The following DMD variants were observed in gnomAD, a reference collection of about 807,000 sequenced individuals.
DMD encodes the protein dystrophin, also known as mutant dystrophin.
DMD carries 63 observed loss-of-function variants against 330.1 expected under a neutral mutation model. The ratio of observed to expected loss-of-function variants is 0.19; its 90% confidence interval spans 0.16 to 0.24. DMD has a LOEUF of 0.24. Among genes scored for constraint, DMD ranks in the 10% least tolerant of loss-of-function variants. The pLI, the probability that DMD is intolerant of heterozygous loss-of-function variation, is 1.00. For synonymous variants in DMD, 1,223 were observed against 959.8 expected, an observed-to-expected ratio of 1.27 and a Z score of -5.07; for missense variants, 3,344 against 2,684.1, an observed-to-expected ratio of 1.25 and a Z score of -5.43.
chrX:31,766,511 G>T (rs761028764), intron 51 of DMD, among the ~76,000 whole-genome samples: 1 of 112,219 alleles, frequency 8.9e-6, no homozygotes, highest in Admixed American at 9.4e-5. Flanking sequence ...ACCCGCCTCA[G>T]CCTCCCAAAG....
At position 32,717,130 on chromosome X, in the gene DMD, A is replaced by T. The variant is rs1229523545; in HGVS notation, c.650-17837T>A. Among the ~76,000 whole-genome samples the T allele has an allele frequency of 2.7e-5, 3 of 111,696 alleles. No individual in the cohort carries two copies. The Admixed American group carries it at 2.9e-4, about 11-fold the overall frequency. ...TGGGGGAAATTCAAGCTGTCTGCGG[A>T]AATTTGCATAAGTAAAAAGGAACTG... On this transcript the variant is annotated intron_variant, in intron 7 of 78. Transcript: ENST00000357033.
At chrX:32,975,713 T>G (rs5928126) in intron 2 of DMD, among the ~76,000 whole-genome samples, 55,813 of 108,923 alleles carry the variant, frequency 0.51, 11,142 homozygotes, top group African/African-American at 0.73. Context: ...AATGTAAGAC[T>G]TGAGGCTGGA....
chrX:32,999,780 A>G (rs1569548082), intron 2 of DMD, among the ~76,000 whole-genome samples: 1 of 99,084 alleles, frequency 1.0e-5, no homozygotes, highest in Non-Finnish European at 2.1e-5. Flanking sequence ...CATCTCAAAA[A>G]CAAAAACAAA....
intron 16 of DMD, among the ~76,000 whole-genome samples, chrX:32,559,465 G>T (rs1267875092): frequency 1.8e-5 from 2 of 111,315 alleles, no homozygotes; most frequent in African/African-American, 6.5e-5. Flanking sequence ...GCAATGAAAA[G>T]GTCTTTTAAA....
intron 7 of DMD, among the ~76,000 whole-genome samples, chrX:32,800,159 T>A (rs2076443529): frequency 8.9e-6 from 1 of 112,104 alleles, no homozygotes; most frequent in South Asian, 3.7e-4. Flanking sequence ...CATAACTAAT[T>A]TAAAATGAAA....
intron 62 of DMD, among the ~76,000 whole-genome samples, chrX:31,311,655 T>G (rs2055531694): frequency 9.0e-6 from 1 of 111,134 alleles, no homozygotes. Flanking sequence ...CCACATGAAA[T>G]TTAAAACAGT....
chrX:31,246,493 A>G (rs1301140929), intron 63 of DMD, among the ~76,000 whole-genome samples: 4 of 112,563 alleles, frequency 3.6e-5, no homozygotes, highest in African/African-American at 1.3e-4. Context: ...TAGGACTTTC[A>G]TAGCTCTAGA....
intron 55 of DMD, among the ~76,000 whole-genome samples, chrX:31,584,694 A>G (rs185881383): frequency 4.7e-4 from 52 of 111,638 alleles, no homozygotes; most frequent in African/African-American, 1.7e-3. Flanking sequence ...ACAGTTTCAC[A>G]AAGTTTGGCC....
intron 22 of DMD, among the ~76,000 whole-genome samples, chrX:32,470,438 G>T (rs1296952212): frequency 9.3e-6 from 1 of 107,361 alleles, no homozygotes; most frequent in African/African-American, 3.6e-5. Context: ...GTGTAACTTT[G>T]GGGGAAATGT....
At chrX:32,705,776 C>T (rs2064571234) in intron 7 of DMD, among the ~76,000 whole-genome samples, 2 of 111,707 alleles carry the variant, frequency 1.8e-5, no homozygotes, top group African/African-American at 3.3e-5. Flanking sequence ...TCTCTGATGG[C>T]CAGTGATGAT....
chrX:31,789,039 T>A (rs1273987943), intron 50 of DMD, among the ~76,000 whole-genome samples: 3 of 111,417 alleles, frequency 2.7e-5, no homozygotes, highest in Admixed American at 9.6e-5. Context: ...TTGGCCACTC[T>A]ATCTTTAGAC....
At chrX:32,272,276 G>A (rs780353751) in intron 43 of DMD, among the ~76,000 whole-genome samples, 16 of 112,130 alleles carry the variant, frequency 1.4e-4, no homozygotes, top group Non-Finnish European at 2.8e-4. Context: ...AATGCTGAAT[G>A]GTGTGTAGGA....
chrX:32,759,529 A>C (rs1427869356), intron 7 of DMD, among the ~76,000 whole-genome samples: 2 of 111,332 alleles, frequency 1.8e-5, no homozygotes, highest in African/African-American at 3.3e-5. Flanking sequence ...TGAGTTAGTT[A>C]CTGCAAAATT....
At chrX:32,265,415 G>T (rs191578171) in intron 43 of DMD, among the ~76,000 whole-genome samples, 1 of 112,705 alleles carries the variant, frequency 8.9e-6, no homozygotes, top group East Asian at 2.8e-4. Context: ...GCAGAAGTTT[G>T]CTGCAGAGAT....
intron 7 of DMD, among the ~76,000 whole-genome samples, chrX:32,737,089 C>A (rs1453583493): frequency 9.1e-6 from 1 of 109,806 alleles, no homozygotes; most frequent in African/African-American, 3.3e-5. Flanking sequence ...ATGTTATTAT[C>A]TTTACCAAAA....
chrX:32,841,545 C>T (rs189454118), intron 4 of DMD, among the ~76,000 whole-genome samples: 25 of 111,575 alleles, frequency 2.2e-4, no homozygotes, highest in African/African-American at 6.2e-4. Flanking sequence ...AAAACAGACC[C>T]ACATATGTAC....
chrX:31,552,430 C>A (rs2074542112), intron 55 of DMD, among the ~76,000 whole-genome samples: 1 of 111,950 alleles, frequency 8.9e-6, no homozygotes, highest in Non-Finnish European at 1.9e-5. Context: ...GCCTCAGCCT[C>A]CCAAAGCACT....
chrX:32,783,204 ACACATATGTGTATATACG>A (rs2063218229), intron 7 of DMD, among the ~76,000 whole-genome samples: 1 of 100,931 alleles, frequency 9.9e-6, no homozygotes, highest in Admixed American at 1.1e-4. Flanking sequence ...GTATACATAT[ACACATATGTGTATATACG>A]TGTATACGTA....
intron 28 of DMD, among the ~76,000 whole-genome samples, chrX:32,440,081 T>C (rs1329692658): frequency 1.8e-5 from 2 of 111,561 alleles, no homozygotes; most frequent in African/African-American, 3.2e-5. Flanking sequence ...TGGTGCTCCA[T>C]GTACGATTTG....
Sources: allele counts gnomAD v4.1 joint callset (sites outside exome capture counted in the v4.1 genomes callset), GRCh38; gene constraint gnomAD v4.1.1; transcripts MANE v1.5; gene names NCBI Gene and HGNC (gene_info 2026-07-23, HGNC 2026-07-21).